CDKAL1: variants seen among roughly 807,000 people sequenced by gnomAD.
CDKAL1 encodes threonylcarbamoyladenosine tRNA methylthiotransferase.
In CDKAL1, 32 loss-of-function variants were observed where a neutral mutation model predicts 68.2. That is an observed-to-expected ratio of 0.47 (90% confidence interval 0.35 to 0.63). The LOEUF (loss-of-function observed/expected upper bound fraction) is 0.63. Ranked by LOEUF, CDKAL1 falls within the 30% of genes least tolerant of loss-of-function variation. CDKAL1 has a pLI of 0.00. For missense variants in CDKAL1, 606 were observed against 696.7 expected (o/e 0.87, Z 1.47); for synonymous variants, 234 against 244.3 (o/e 0.96, Z 0.39).
Position 21,232,015 on chromosome 6 carries a change from T to TTG in CDKAL1, c.*977_*978insGT, listed in dbSNP as rs1562137022. On this transcript the variant is annotated 3_prime_UTR_variant, in exon 16 of 16. Transcript: ENST00000274695. ...GGGTTTTTTTTTTGTTTTTGTTTTT[T>TTG]TTTTTTTTTGAGTCAAGGTCTCACT... 1.4e-4 allele frequency: 21 copies of TTG among 146,708 alleles called. 1 individual carries two copies. Among genetic ancestry groups the TTG allele is most frequent in the African/African-American group, 5.1e-4 (20 of 39,460 alleles). The allele number at this position is 146,708 out of a possible 1,614,324, so 9.1% of individuals were successfully genotyped here.
intron 11 of CDKAL1, among the ~76,000 whole-genome samples, chr6:21,041,495 A>C (rs1477029823): frequency 6.6e-6 from 1 of 152,114 alleles, no homozygotes; most frequent in South Asian, 2.1e-4. Flanking sequence ...ACTCAGGCTT[A>C]AATCATGTAA....
At chr6:21,152,855 G>C (rs907492827) in intron 13 of CDKAL1, among the ~76,000 whole-genome samples, 2 of 152,168 alleles carry the variant, frequency 1.3e-5, no homozygotes, top group Non-Finnish European at 2.9e-5. Flanking sequence ...GCAGATCCAA[G>C]GAAGGAGTAC....
intron 4 of CDKAL1, among the ~76,000 whole-genome samples, chr6:20,589,085 G>A (rs796790316): frequency 2.6e-5 from 4 of 151,892 alleles, no homozygotes; most frequent in African/African-American, 9.7e-5. Flanking sequence ...AATTATTGGT[G>A]GTCTTTCTGT....
intron 4 of CDKAL1, among the ~76,000 whole-genome samples, chr6:20,565,995 T>A (rs548185326): frequency 3.3e-5 from 5 of 152,210 alleles, no homozygotes; most frequent in Admixed American, 6.5e-5. Context: ...ATTTTTTTTT[T>A]AAACCCCTTT....
chr6:20,882,197 C>G (rs1185537577), intron 9 of CDKAL1, among the ~76,000 whole-genome samples: 1 of 152,176 alleles, frequency 6.6e-6, no homozygotes, highest in Non-Finnish European at 1.5e-5. Flanking sequence ...CTCCCTGCAC[C>G]TGGAGGGGGA....
At chr6:20,802,046 T>C (rs1776385188) in intron 8 of CDKAL1, among the ~76,000 whole-genome samples, 2 of 152,122 alleles carry the variant, frequency 1.3e-5, no homozygotes, top group African/African-American at 4.8e-5. Context: ...ACGCCTGTAA[T>C]CCCAGCACTT....
At chr6:21,190,030 A>G (rs906196924) in intron 13 of CDKAL1, among the ~76,000 whole-genome samples, 1 of 152,202 alleles carries the variant, frequency 6.6e-6, no homozygotes, top group Non-Finnish European at 1.5e-5. Context: ...AATTAGTCTA[A>G]AGGTGTATGT....
intron 11 of CDKAL1, among the ~76,000 whole-genome samples, chr6:21,052,401 T>C (rs1225727996): frequency 6.6e-6 from 1 of 152,150 alleles, no homozygotes; most frequent in Non-Finnish European, 1.5e-5. Flanking sequence ...CAGGCTGAAG[T>C]GCAGTGACAC....
At position 21,066,116 on chromosome 6, in the gene CDKAL1, A is replaced by G. The variant is rs991395676; in HGVS notation, c.1236+888A>G. 2.6e-5 allele frequency among the ~76,000 whole-genome samples: 4 copies of G among 152,252 alleles called. No homozygotes were observed. The East Asian group carries it at 5.8e-4, about 22-fold the overall frequency. ...CAGAGCTTGTTACTGTTTTTCTGTT[A>G]TAGCGTAAGTGAATATCAAACACAA... On this transcript the variant is annotated intron_variant, in intron 12 of 15. Coordinates refer to ENST00000274695, the MANE Select transcript of CDKAL1 (RefSeq NM_017774.3).
rs555483987 is a variant in CDKAL1, at chr6:20,940,900, C to T, written c.743-14519C>T. 7.9e-5 allele frequency among the ~76,000 whole-genome samples: 12 copies of T among 152,192 alleles called. No individual in the cohort carries two copies. In the East Asian group the frequency reaches 2.3e-3, roughly 29 times the overall value. On this transcript the variant is annotated intron_variant, in intron 9 of 15. Transcript: ENST00000274695. ...GGTCAGGAGATCAAGACCATCCTGG[C>T]TAACACAGTGAAACCGCGTCTCTAC...
chr6:20,730,715 C>G (rs1772880225), intron 5 of CDKAL1, among the ~76,000 whole-genome samples: 1 of 151,282 alleles, frequency 6.6e-6, no homozygotes, highest in Non-Finnish European at 1.5e-5. Context: ...TGTGGTGGCA[C>G]GTGCCTGTAA....
intron 8 of CDKAL1, among the ~76,000 whole-genome samples, chr6:20,808,511 G>T (rs9356754): frequency 0.51 from 77,535 of 151,924 alleles, 20,172 homozygotes; most frequent in Non-Finnish European, 0.54. Context: ...GACGCCCACA[G>T]TTCCTGGCTG....
Position 21,108,401 on chromosome 6 carries a change from A to G in CDKAL1, c.1237A>G (p.Lys413Glu). 1 of 1,601,798 alleles carries G rather than the reference A, an allele frequency of 6.2e-7. No individual in the cohort carries two copies. The highest frequency in any genetic ancestry group is 1.1e-5 in the South Asian group (1 of 87,800). The change falls in exon 13 of 16, where the codon AAA (lysine) becomes GAA (glutamate). Residue 413 changes from lysine (K) to glutamate (E), a missense_variant and splice_region_variant. Physicochemically the swap from Lys to Glu is moderately conservative, Grantham distance 56 (BLOSUM62 1). Transcript: ENST00000274695. ...TTGTTTTTTTTGTTTTTTTTCACAG[A>G]AAAAGCAAAGGACAAAAGATCTTTC... ...AKMEQVPAQV[K>E]KQRTKDLSRV...
intron 11 of CDKAL1, among the ~76,000 whole-genome samples, chr6:21,031,927 G>C (rs1441348642): frequency 1.3e-5 from 2 of 152,096 alleles, no homozygotes; most frequent in Non-Finnish European, 2.9e-5. Flanking sequence ...GTTTATGCCT[G>C]TTTTCCTGGT....
intron 15 of CDKAL1, among the ~76,000 whole-genome samples, chr6:21,225,586 T>C (rs1212689879): frequency 6.6e-6 from 1 of 152,182 alleles, no homozygotes. Flanking sequence ...TTCCTTCTGA[T>C]AACTTCCTAA....
At chr6:20,588,018 G>C (rs1765446314) in intron 4 of CDKAL1, among the ~76,000 whole-genome samples, 1 of 151,920 alleles carries the variant, frequency 6.6e-6, no homozygotes, top group Admixed American at 6.6e-5. Flanking sequence ...ATGGCTTGAA[G>C]CCTGGGAGGT....
Position 20,675,731 on chromosome 6 carries a change from G to T in CDKAL1, c.371+26354G>T, listed in dbSNP as rs1040202275. Among the ~76,000 whole-genome samples the T allele has an allele frequency of 3.9e-5, 6 of 151,996 alleles. No homozygotes were observed. In the South Asian group the frequency reaches 1.0e-3, roughly 26 times the overall value. On this transcript the variant is annotated intron_variant, in intron 5 of 15. Coordinates refer to ENST00000274695, the MANE Select transcript of CDKAL1 (RefSeq NM_017774.3). ...ATGATAACAAATGACTATTTTACTGGTTTATGCACTTAATATGCTAAACTT... is the reference window on the plus strand; with the variant it reads ...ATGATAACAAATGACTATTTTACTGTTTTATGCACTTAATATGCTAAACTT...
chr6:20,814,248 T>C (rs938296384), intron 8 of CDKAL1, among the ~76,000 whole-genome samples: 2 of 148,360 alleles, frequency 1.3e-5, no homozygotes, highest in African/African-American at 5.2e-5. Flanking sequence ...AAAATAAAAT[T>C]TTTTTTTAAT....
At chr6:20,989,144 A>G (rs1766656841) in intron 10 of CDKAL1, among the ~76,000 whole-genome samples, 1 of 152,126 alleles carries the variant, frequency 6.6e-6, no homozygotes, top group South Asian at 2.1e-4. Context: ...AACAGTAAAA[A>G]AAAATACCTA....
Sources: gnomAD v4.1 joint callset for allele counts (sites outside exome capture counted in the v4.1 genomes callset) on GRCh38, gnomAD v4.1.1 for gene constraint, MANE v1.5 for transcripts, NCBI Gene and HGNC (gene_info 2026-07-23, HGNC 2026-07-21) for gene names.